The following CCDC25 variants were observed in gnomAD, a reference collection of about 807,000 sequenced individuals.
CCDC25 encodes coiled-coil domain-containing protein 25.
CCDC25 carries 16 observed loss-of-function variants against 35.3 expected under a neutral mutation model. The observed-to-expected ratio is 0.45, with a 90% CI of 0.31 to 0.69. CCDC25 has a LOEUF of 0.69. CCDC25 is among the 30% of genes least tolerant of loss of function. CCDC25 has a pLI of 0.06. For synonymous variants in CCDC25, 79 were observed against 80.3 expected, an observed-to-expected ratio of 0.98 and a Z score of 0.09; for missense variants, 179 against 250.7, an observed-to-expected ratio of 0.71 and a Z score of 1.93.
chr8:27,762,241 C>T (rs1804252451), intron 3 of CCDC25, among the ~76,000 whole-genome samples, 178 bp downstream of exon 3: 1 of 152,112 alleles, frequency 6.6e-6, no homozygotes, highest in Non-Finnish European at 1.5e-5. Context: ...TGAGATCAAA[C>T]CCAAAAACAT....
At position 27,751,480 on chromosome 8, in the gene CCDC25, T is replaced by C. The variant is rs367649881; in HGVS notation, c.244+1032A>G. On this transcript the variant is annotated intron_variant, in intron 5 of 8. Coordinates refer to ENST00000356537, the MANE Select transcript of CCDC25 (RefSeq NM_018246.3). ...ATCATTCAGGCAGCCTAAGTGAAGG[T>C]GTGGGAAGCGCAGTCGGGGAAAGGG... Among the ~76,000 whole-genome samples the C allele has an allele frequency of 1.6e-4, 24 of 152,308 alleles. 4 individuals carry two copies. Among genetic ancestry groups the C allele is most frequent in the Admixed American group, 3.3e-4 (5 of 15,294 alleles).
chr8:27,759,477 C>T (rs1323464389), intron 3 of CCDC25, among the ~76,000 whole-genome samples: 3 of 151,980 alleles, frequency 2.0e-5, no homozygotes, highest in Non-Finnish European at 2.9e-5. Context: ...GGCACAGTGG[C>T]GGGAGCCTGT....
chr8:27,744,237 T>C (rs1278653247), intron 7 of CCDC25, among the ~76,000 whole-genome samples: 1 of 152,182 alleles, frequency 6.6e-6, no homozygotes, highest in Non-Finnish European at 1.5e-5. Context: ...TGGTTTATAT[T>C]GAATAAAAAT....
Position 27,736,104 on chromosome 8 carries a change from T to C in CCDC25, c.*112A>G. On this transcript the variant is annotated 3_prime_UTR_variant, in exon 9 of 9. Coordinates refer to ENST00000356537, the MANE Select transcript of CCDC25 (RefSeq NM_018246.3). ...GAAAATCAATAATTTCTGGGTAGGA[T>C]GAAGGTAGAATTTTGGTTGTATTTT... The C allele has an allele frequency of 1.0e-6, 1 of 977,178 alleles. No individual in the cohort carries two copies. The highest frequency in any genetic ancestry group is 1.5e-6 in the Non-Finnish European group (1 of 653,538). 60.5% of individuals were successfully genotyped at this position (977,178 alleles called of 1,614,324 possible).
At chr8:27,761,768 T>C (rs1361259600) in intron 3 of CCDC25, among the ~76,000 whole-genome samples, 1 of 152,226 alleles carries the variant, frequency 6.6e-6, no homozygotes, top group Non-Finnish European at 1.5e-5. Context: ...GGTAGAAGTC[T>C]ATATGGTGTT....
At chr8:27,745,933 T>A (rs1803587802) in intron 7 of CCDC25, among the ~76,000 whole-genome samples, 1 of 152,252 alleles carries the variant, frequency 6.6e-6, no homozygotes, top group Admixed American at 6.5e-5. Flanking sequence ...GGAAAAATCT[T>A]ATTCAATAAG....
intron 1 of CCDC25, among the ~76,000 whole-genome samples, chr8:27,765,913 C>A (rs1407460169): frequency 5.3e-5 from 8 of 152,184 alleles, no homozygotes; most frequent in African/African-American, 1.9e-4. Flanking sequence ...TCTGTGTTTT[C>A]TAAAAGCCTT....
At chr8:27,762,190 A>G (rs1478613991) in intron 3 of CCDC25, among the ~76,000 whole-genome samples, 1 of 152,208 alleles carries the variant, frequency 6.6e-6, no homozygotes. Context: ...AAAAAGGAGG[A>G]AAAAGAAGGC....
chr8:27,737,875 TACACACACTC>T lies in CCDC25; in HGVS notation c.598-1640_598-1631del, dbSNP rs1245045484. 1.0e-4 allele frequency among the ~76,000 whole-genome samples: 14 copies of T among 136,188 alleles called. No homozygotes were observed. Among genetic ancestry groups the T allele is most frequent in the African/African-American group, 2.9e-4 (11 of 37,642 alleles). 89.3% of individuals were successfully genotyped at this position (136,188 alleles called of 152,430 possible). Reference sequence around the variant, plus strand: ...GGATAAAGAAACTGTGGTGTGTGTATACACACACTCACACACACACACACACACACACACA... The same window carrying T: ...GGATAAAGAAACTGTGGTGTGTGTATACACACACACACACACACACACACA... On this transcript the variant is annotated intron_variant, in intron 8 of 8. Transcript: ENST00000356537. This position sits in a 1 kb window ranked among gnomAD's most constrained non-coding sequence, Gnocchi z 4.6.
chr8:27,737,225 C>T lies in CCDC25; in HGVS notation c.598-980G>A, dbSNP rs890022176. Among the ~76,000 whole-genome samples the T allele has an allele frequency of 6.6e-6, 1 of 152,154 alleles. No individual in the cohort carries two copies. Among genetic ancestry groups the T allele is most frequent in the Non-Finnish European group, 1.5e-5 (1 of 68,030 alleles). On this transcript the variant is annotated intron_variant, in intron 8 of 8. Coordinates refer to ENST00000356537, the MANE Select transcript of CCDC25 (RefSeq NM_018246.3). This position sits in a 1 kb window ranked among gnomAD's most constrained non-coding sequence, Gnocchi z 4.6. ...CTTCGATAATTGTACAAAGAACAGACTAATGATTGTGTTATATCCAGGCGC... is the reference window on the plus strand; with the variant it reads ...CTTCGATAATTGTACAAAGAACAGATTAATGATTGTGTTATATCCAGGCGC...
In CCDC25 at chr8:27,737,530, A is replaced by G. The variant is rs1441045390; in HGVS notation, c.598-1285T>C. ...TATGCTAAATTAAAACTTAAGTCCT[A>G]TATTACATAAACACTTGCCTTTAAC... On this transcript the variant is annotated intron_variant, in intron 8 of 8. Coordinates refer to ENST00000356537, the MANE Select transcript of CCDC25 (RefSeq NM_018246.3). This position sits in a 1 kb window ranked among gnomAD's most constrained non-coding sequence, Gnocchi z 4.6. Among the ~76,000 whole-genome samples the G allele has an allele frequency of 6.6e-6, 1 of 152,204 alleles. No individual in the cohort carries two copies. The highest frequency in any genetic ancestry group is 2.4e-5 in the African/African-American group (1 of 41,448).
chr8:27,767,184 G>A (rs1302461391), intron 1 of CCDC25, among the ~76,000 whole-genome samples: 4 of 152,264 alleles, frequency 2.6e-5, no homozygotes, highest in East Asian at 3.9e-4. Flanking sequence ...CGGCCAACAT[G>A]TTGAAACCCC....
At chr8:27,741,515 C>T (rs1803438384) in intron 7 of CCDC25, among the ~76,000 whole-genome samples, 2 of 152,284 alleles carry the variant, frequency 1.3e-5, no homozygotes, top group Admixed American at 1.3e-4. Context: ...CCCATCTCTA[C>T]TAAAAATACA....
chr8:27,765,692 T>C (rs10102309), intron 1 of CCDC25, among the ~76,000 whole-genome samples: 86,169 of 151,844 alleles, frequency 0.57, 25,051 homozygotes, highest in East Asian at 0.95. Flanking sequence ...TACCAAAGTT[T>C]TATTGTGCAT....
Position 27,740,537 on chromosome 8 carries a change from C to T in CCDC25, c.552-20G>A, listed in dbSNP as rs780776270. On this transcript the variant is annotated intron_variant, in intron 7 of 8. Transcript: ENST00000356537. The stretch of plus-strand genomic sequence containing the variant: ...TAGCTCCTAGAAGGAAAAAAACACA[C>T]ACACACATTTAAAATATGGTGATCC... The T allele has an allele frequency of 4.1e-5, 65 of 1,599,702 alleles. No individual in the cohort carries two copies. The highest frequency in any genetic ancestry group is 5.1e-5 in the Non-Finnish European group (60 of 1,169,706).
rs145688407 is a variant in CCDC25, at chr8:27,738,365, A to T, written c.597+2107T>A. On this transcript the variant is annotated intron_variant, in intron 8 of 8. Coordinates refer to ENST00000356537, the MANE Select transcript of CCDC25 (RefSeq NM_018246.3). ...TTTTAAAGTATGGAGAAAAACTAGG[A>T]AAACATTTTCACTGAAAGAGAGAAT... Among the ~76,000 whole-genome samples, 97 of 152,320 alleles carry T rather than the reference A, an allele frequency of 6.4e-4. 1 individual carries two copies. The South Asian group carries it at 0.015, about 24-fold the overall frequency.
At chr8:27,764,259 G>A (rs1391903830) in intron 2 of CCDC25, 2 of 162,362 alleles carry the variant, frequency 1.2e-5, no homozygotes, top group Non-Finnish European at 2.7e-5. Context: ...GGGAAAAAGT[G>A]TTCCATACAT....
At chr8:27,744,226 T>C (rs887313260) in intron 7 of CCDC25, among the ~76,000 whole-genome samples, 1 of 152,210 alleles carries the variant, frequency 6.6e-6, no homozygotes, top group East Asian at 1.9e-4. Flanking sequence ...TATAAGTTAC[T>C]TGGTTTATAT....
At chr8:27,748,346 G>T in intron 6 of CCDC25, 67 bp from the exon 7 acceptor site, 1 of 1,460,606 alleles carries the variant, frequency 6.8e-7, no homozygotes, top group Non-Finnish European at 9.5e-7. Flanking sequence ...GAGGGATGAG[G>T]CTTTCCAGGG....
Sources: allele counts gnomAD v4.1 joint callset (sites outside exome capture counted in the v4.1 genomes callset), GRCh38; gene constraint gnomAD v4.1.1; non-coding constraint Gnocchi (gnomAD v3.1); transcripts MANE v1.5; gene names NCBI Gene and HGNC (gene_info 2026-07-23, HGNC 2026-07-21).